Variants in TAFA1 observed in about 807,000 individuals in gnomAD.
TAFA1 encodes the protein chemokine-like protein TAFA-1.
TAFA1 carries 4 observed loss-of-function variants against 18.5 expected under a neutral mutation model. The observed-to-expected ratio is 0.22, with a 90% CI of 0.11 to 0.49. The LOEUF (loss-of-function observed/expected upper bound fraction) is 0.49. Ranked by LOEUF, TAFA1 falls within the 20% of genes least tolerant of loss-of-function variation. The pLI, the probability that TAFA1 is intolerant of heterozygous loss-of-function variation, is 0.98. For missense variants in TAFA1, 147 were observed against 169.0 expected (o/e 0.87, Z 0.72); for synonymous variants, 56 against 55.2 (o/e 1.01, Z -0.06).
At chr3:68,415,350 G>A (rs1044822451) in intron 2 of TAFA1, among the ~76,000 whole-genome samples, 1 of 152,132 alleles carries the variant, frequency 6.6e-6, no homozygotes. Flanking sequence ...CTGGGGCACA[G>A]ACATGAACAA....
intron 2 of TAFA1, among the ~76,000 whole-genome samples, chr3:68,370,257 C>T (rs1191199767): frequency 2.1e-4 from 22 of 102,856 alleles, no homozygotes; most frequent in African/African-American, 8.8e-4. Flanking sequence ...CACTTCATTC[C>T]AGCCTGGGCG....
At chr3:68,227,209 T>C (rs1252160975) in intron 2 of TAFA1, among the ~76,000 whole-genome samples, 3 of 152,204 alleles carry the variant, frequency 2.0e-5, no homozygotes, top group African/African-American at 2.4e-5. Context: ...ACATAAAAAT[T>C]TGTATTTCTC....
At chr3:68,145,692 A>G in intron 2 of TAFA1, 1 of 847,086 alleles carries the variant, frequency 1.2e-6, no homozygotes, top group East Asian at 2.5e-5. Context: ...AAATATAGAA[A>G]TGTAAAGTTT....
chr3:68,189,694 C>T (rs921107727), intron 2 of TAFA1, among the ~76,000 whole-genome samples: 4 of 151,884 alleles, frequency 2.6e-5, no homozygotes, highest in African/African-American at 9.7e-5. Flanking sequence ...TTAATTTGAA[C>T]TATTTAAAGT....
intron 2 of TAFA1, among the ~76,000 whole-genome samples, chr3:68,165,045 G>A (rs562925091): frequency 6.6e-6 from 1 of 152,300 alleles, no homozygotes; most frequent in African/African-American, 2.4e-5. Context: ...TTGCACAGTT[G>A]TTTAAGAAGG....
intron 2 of TAFA1, among the ~76,000 whole-genome samples, chr3:68,352,020 T>C (rs1203320357): frequency 6.6e-6 from 1 of 151,896 alleles, no homozygotes; most frequent in Non-Finnish European, 1.5e-5. Context: ...AATGCTCTAT[T>C]AAGAGCATTA....
chr3:68,266,867 A>G (rs1440728214), intron 2 of TAFA1, among the ~76,000 whole-genome samples: 1 of 152,166 alleles, frequency 6.6e-6, no homozygotes, highest in African/African-American at 2.4e-5. Flanking sequence ...TGTTATCATA[A>G]TTTGAAGCTA....
At chr3:68,132,382 T>C (rs1263084127) in intron 2 of TAFA1, among the ~76,000 whole-genome samples, 2 of 152,170 alleles carry the variant, frequency 1.3e-5, no homozygotes, top group African/African-American at 4.8e-5. Context: ...TCTAATCCTT[T>C]GAGTATACCC....
chr3:68,468,532 C>G (rs868264662), intron 3 of TAFA1, among the ~76,000 whole-genome samples: 2 of 152,224 alleles, frequency 1.3e-5, no homozygotes. Flanking sequence ...AGAGCACCCA[C>G]ACTGCTAGGC....
chr3:68,246,053 C>A (rs1323563742), intron 2 of TAFA1, among the ~76,000 whole-genome samples: 1 of 152,086 alleles, frequency 6.6e-6, no homozygotes. Context: ...TCAGAGTCAA[C>A]GACGATGTCC....
intron 2 of TAFA1, among the ~76,000 whole-genome samples, chr3:68,230,745 A>G (rs550976391): frequency 6.6e-6 from 1 of 152,320 alleles, no homozygotes; most frequent in East Asian, 1.9e-4. Flanking sequence ...CCAACAGTGT[A>G]TGAGGGTTCC....
In TAFA1 at chr3:68,045,527, C is replaced by T. The variant is rs546079244; in HGVS notation, c.118+38783C>T. ...CCACAAATTGTGCGGCCTTGGGAAGCTCCTCCTGTAAGCCTTGGTTTCAAC... is the reference window on the plus strand; with the variant it reads ...CCACAAATTGTGCGGCCTTGGGAAGTTCCTCCTGTAAGCCTTGGTTTCAAC... On this transcript the variant is annotated intron_variant, in intron 2 of 4. Transcript: ENST00000478136. 8.5e-5 allele frequency among the ~76,000 whole-genome samples: 13 copies of T among 152,216 alleles called. No homozygotes were observed. The South Asian group carries it at 2.7e-3, about 32-fold the overall frequency.
intron 2 of TAFA1, among the ~76,000 whole-genome samples, chr3:68,339,621 A>T (rs1446375579): frequency 6.6e-6 from 1 of 152,170 alleles, no homozygotes; most frequent in Non-Finnish European, 1.5e-5. Context: ...ATAGAACTAC[A>T]TTTTTGCAGT....
chr3:68,192,807 A>G (rs540623694), intron 2 of TAFA1, among the ~76,000 whole-genome samples: 33 of 151,940 alleles, frequency 2.2e-4, no homozygotes, highest in Non-Finnish European at 4.1e-4. Context: ...CTAAGGAAGT[A>G]AAAGAAGTAG....
At chr3:68,452,534 A>AAC (rs1553692282) in intron 3 of TAFA1, among the ~76,000 whole-genome samples, 1 of 151,372 alleles carries the variant, frequency 6.6e-6, no homozygotes, top group Non-Finnish European at 1.5e-5. Flanking sequence ...AAAAAAAAAA[A>AAC]AAAAAAACTA....
chr3:68,497,496 G>A (rs2072568394), intron 3 of TAFA1, among the ~76,000 whole-genome samples: 1 of 152,148 alleles, frequency 6.6e-6, no homozygotes, highest in African/African-American at 2.4e-5. Flanking sequence ...AAGGAAGGAT[G>A]AGTAGAAATA....
At chr3:68,105,993 A>G (rs1488693061) in intron 2 of TAFA1, among the ~76,000 whole-genome samples, 1 of 152,114 alleles carries the variant, frequency 6.6e-6, no homozygotes, top group East Asian at 1.9e-4. Flanking sequence ...TAATTCAACC[A>G]CAATTTTCAA....
intron 3 of TAFA1, among the ~76,000 whole-genome samples, chr3:68,507,131 T>C (rs1026497901): frequency 2.6e-5 from 4 of 152,080 alleles, no homozygotes; most frequent in African/African-American, 7.2e-5. Context: ...TTAAACACCA[T>C]GCCTTAGGCA....
intron 3 of TAFA1, among the ~76,000 whole-genome samples, chr3:68,439,912 A>G (rs1424672770): frequency 6.6e-6 from 1 of 152,196 alleles, no homozygotes; most frequent in African/African-American, 2.4e-5. Flanking sequence ...TAATAAGATC[A>G]TAATTATGCC....
Sources: gnomAD v4.1 joint callset for allele counts (sites outside exome capture counted in the v4.1 genomes callset) on GRCh38, gnomAD v4.1.1 for gene constraint, MANE v1.5 for transcripts, NCBI Gene and HGNC (gene_info 2026-07-23, HGNC 2026-07-21) for gene names.